LDLRAD4: variants seen among roughly 807,000 people sequenced by gnomAD.
LDLRAD4 encodes low density lipoprotein receptor class A domain containing 4.
In LDLRAD4, 5 loss-of-function variants were observed where a neutral mutation model predicts 17.0. The ratio of observed to expected loss-of-function variants is 0.29; its 90% CI spans 0.15 to 0.62. The LOEUF (loss-of-function observed/expected upper bound fraction) is 0.62. Among genes scored for constraint, LDLRAD4 ranks in the 20% least tolerant of loss-of-function variants. The pLI, the probability that LDLRAD4 is intolerant of heterozygous loss-of-function variation, is 0.84. For missense variants in LDLRAD4, 340 were observed against 424.7 expected (o/e 0.80, Z 1.75); for synonymous variants, 168 against 171.8 (o/e 0.98, Z 0.17).
chr18:13,531,587 C>T (rs1195011847), intron 3 of LDLRAD4, among the ~76,000 whole-genome samples: 10 of 124,580 alleles, frequency 8.0e-5, no homozygotes, highest in African/African-American at 1.8e-4. Context: ...AAGACTCCAT[C>T]TTTTTTTTTT....
chr18:13,283,912 C>T (rs1051683034), intron 1 of LDLRAD4, among the ~76,000 whole-genome samples: 11 of 152,074 alleles, frequency 7.2e-5, no homozygotes, highest in East Asian at 3.9e-4. Flanking sequence ...TCTTACAGGG[C>T]GGCAGCAAGG....
rs55794457 is a variant in LDLRAD4, at chr18:13,640,292, C to CAAAAAA, written c.337-3054_337-3049dup. ...TGGGCAACAGAGCGAGATTCCATCT[C>CAAAAAA]AAAAAAAAAAAAAAAAAATGAAATC... is the stretch of plus-strand genomic sequence containing the variant. On this transcript the variant is annotated intron_variant, in intron 4 of 5. Coordinates refer to ENST00000359446, the Ensembl canonical transcript of LDLRAD4. Among the ~76,000 whole-genome samples the CAAAAAA allele has an allele frequency of 7.1e-3, 693 of 97,676 alleles. 34 individuals carry two copies. Among genetic ancestry groups the CAAAAAA allele is most frequent in the African/African-American group, 0.02 (483 of 23,576 alleles). 64.1% of individuals were successfully genotyped at this position (97,676 alleles called of 152,430 possible).
At chr18:13,494,797 T>G (rs552315156) in intron 3 of LDLRAD4, among the ~76,000 whole-genome samples, 1 of 149,982 alleles carries the variant, frequency 6.7e-6, no homozygotes, top group South Asian at 2.1e-4. Context: ...GAAGGCTTTA[T>G]CAATGAATTA....
At chr18:13,388,258 G>A (rs1174176250) in intron 2 of LDLRAD4, among the ~76,000 whole-genome samples, 1 of 152,232 alleles carries the variant, frequency 6.6e-6, no homozygotes, top group Non-Finnish European at 1.5e-5. Flanking sequence ...ACACCCCAGT[G>A]TGCTGGTGAT....
chr18:13,348,986 A>G (rs2082878311), intron 1 of LDLRAD4, among the ~76,000 whole-genome samples: 1 of 152,144 alleles, frequency 6.6e-6, no homozygotes, highest in Non-Finnish European at 1.5e-5. Context: ...CCTTTCCTTG[A>G]CTAGGAAAGG....
chr18:13,347,886 C>T (rs907603477), intron 1 of LDLRAD4, among the ~76,000 whole-genome samples: 5 of 152,196 alleles, frequency 3.3e-5, no homozygotes, highest in African/African-American at 9.7e-5. Context: ...CTTGCGCATT[C>T]GTCACATAGT....
chr18:13,321,646 A>C (rs552986093), intron 1 of LDLRAD4, among the ~76,000 whole-genome samples: 153 of 152,108 alleles, frequency 1.0e-3, no homozygotes, highest in Non-Finnish European at 1.9e-3. Flanking sequence ...CGGGTGGATC[A>C]CCTGAGATCA....
intron 2 of LDLRAD4, among the ~76,000 whole-genome samples, chr18:13,388,093 G>T (rs904994657): frequency 6.6e-6 from 1 of 152,242 alleles, no homozygotes; most frequent in African/African-American, 2.4e-5. Flanking sequence ...GGTAGGGGAA[G>T]TGTGGTTTCT....
rs1045860215 is a variant in LDLRAD4, at chr18:13,450,329, C to G, written c.181+11945C>G. Among the ~76,000 whole-genome samples, 13 of 115,438 alleles carry G rather than the reference C, an allele frequency of 1.1e-4. 1 individual carries two copies. Among genetic ancestry groups the G allele is most frequent in the East Asian group, 2.5e-4 (1 of 3,954 alleles). The allele number at this position is 115,438 out of a possible 152,430, so 75.7% of individuals were successfully genotyped here. A position where few individuals can be genotyped will look rare whatever the true frequency, so the allele number is the denominator to read the frequency against. ...TGCAGTTAGCTTCTCTCCCCCCACC[C>G]CCCCCCCCAAAAAAACACACAAGAT... On this transcript the variant is annotated intron_variant, in intron 3 of 5. Transcript: ENST00000359446.
At chr18:13,564,698 CCG>C (rs1491554339) in intron 3 of LDLRAD4, among the ~76,000 whole-genome samples, 1 of 102,990 alleles carries the variant, frequency 9.7e-6, no homozygotes, top group African/African-American at 3.0e-5. Flanking sequence ...CTCTGCGCTG[CCG>C]CCCCCCTTCC....
intron 1 of LDLRAD4, among the ~76,000 whole-genome samples, chr18:13,298,961 G>A (rs1490689716): frequency 6.6e-6 from 1 of 152,194 alleles, no homozygotes; most frequent in Non-Finnish European, 1.5e-5. Context: ...CTTCATCACT[G>A]CCTCTGACAT....
chr18:13,494,765 T>A (rs2093431831), intron 3 of LDLRAD4, among the ~76,000 whole-genome samples: 13 of 147,414 alleles, frequency 8.8e-5, no homozygotes, highest in African/African-American at 3.3e-4. Context: ...GAAGTTTGGG[T>A]GCCCCTAGCG....
At chr18:13,499,152 A>T (rs1324840153) in intron 3 of LDLRAD4, among the ~76,000 whole-genome samples, 1 of 148,862 alleles carries the variant, frequency 6.7e-6, no homozygotes, top group Non-Finnish European at 1.5e-5. Context: ...TTCTACTCAC[A>T]CACACGTCGC....
At chr18:13,311,989 AC>A (rs1247050940) in intron 1 of LDLRAD4, among the ~76,000 whole-genome samples, 2 of 151,612 alleles carry the variant, frequency 1.3e-5, no homozygotes, top group Non-Finnish European at 2.9e-5. Flanking sequence ...CCACCACCAC[AC>A]CCGGCTATTT....
chr18:13,232,205 C>T (rs750074144), intron 1 of LDLRAD4, among the ~76,000 whole-genome samples: 3 of 152,230 alleles, frequency 2.0e-5, no homozygotes, highest in Non-Finnish European at 2.9e-5. Context: ...GTTAGAGGAG[C>T]GTCTTCTGGG....
chr18:13,385,164 A>G (rs2085701843), intron 1 of LDLRAD4, among the ~76,000 whole-genome samples: 1 of 152,176 alleles, frequency 6.6e-6, no homozygotes, highest in African/African-American at 2.4e-5. Flanking sequence ...TTTGTCTTTG[A>G]TAATGACCAT....
intron 2 of LDLRAD4, among the ~76,000 whole-genome samples, chr18:13,436,245 T>C (rs1161684793): frequency 6.6e-6 from 1 of 152,260 alleles, no homozygotes; most frequent in Non-Finnish European, 1.5e-5. Context: ...CGAGTTTCCA[T>C]GTCTCAGTAC....
chr18:13,564,111 G>A (rs998040111), intron 3 of LDLRAD4, among the ~76,000 whole-genome samples: 3 of 152,154 alleles, frequency 2.0e-5, no homozygotes, highest in Non-Finnish European at 4.4e-5. Context: ...TCACTTTGTT[G>A]CCCAGGCTAG....
chr18:13,611,616 G>A, intron 3 of LDLRAD4: 1 of 985,366 alleles, frequency 1.0e-6, no homozygotes, highest in Non-Finnish European at 1.2e-6. Context: ...TGTTTGAATT[G>A]CCTGGGATTC....
Sources: gnomAD v4.1 joint callset for allele counts (sites outside exome capture counted in the v4.1 genomes callset) on GRCh38, gnomAD v4.1.1 for gene constraint, MANE v1.5 for transcripts, NCBI Gene and HGNC (gene_info 2026-07-23, HGNC 2026-07-21) for gene names.